The following GAB2 variants were observed in gnomAD, a reference collection of about 807,000 sequenced individuals.
GAB2 encodes GRB2-associated-binding protein 2.
In GAB2, 26 loss-of-function variants were observed where a neutral mutation model predicts 65.5. That is an observed-to-expected ratio of 0.40 (90% CI 0.29 to 0.55). GAB2 has a LOEUF of 0.55. GAB2 is among the 20% of genes least tolerant of loss of function. The pLI is 0.53. For missense variants in GAB2, 884 were observed against 875.8 expected, an observed-to-expected ratio of 1.01 and a Z score of -0.12; for synonymous variants, 321 against 329.6, an observed-to-expected ratio of 0.97 and a Z score of 0.28.
rs1855654411 is a variant in GAB2 at position 78,318,369 on chromosome 11, C to CAAGAAAAAAAAAAAAAAAAAAAAAAAAA, written c.76-37469_76-37468insTTTTTTTTTTTTTTTTTTTTTTTTTCTT. ...ATTTTGGGATCTGATTGTTAAATGC[C>CAAGAAAAAAAAAAAAAAAAAAAAAAAAA]AAAAAAAAAAAAAAAAAGCTGTGAA... On this transcript the variant is annotated intron_variant, in intron 1 of 9. Transcript: ENST00000361507. The CAAGAAAAAAAAAAAAAAAAAAAAAAAAA allele has an allele frequency of 4.2e-5, 2 of 47,674 alleles. 1 individual carries two copies. Among genetic ancestry groups the CAAGAAAAAAAAAAAAAAAAAAAAAAAAA allele is most frequent in the Non-Finnish European group, 8.1e-5 (2 of 24,748 alleles). The allele number at this position is 47,674 out of a possible 1,614,324, so 3.0% of individuals were successfully genotyped here.
At chr11:78,232,761 T>C (rs1202369033) in intron 3 of GAB2, among the ~76,000 whole-genome samples, 3 of 152,186 alleles carry the variant, frequency 2.0e-5, no homozygotes, top group Non-Finnish European at 4.4e-5. Flanking sequence ...AAGAGATAGA[T>C]AGAAGGCTGG....
chr11:78,264,973 A>G (rs1590979344), intron 2 of GAB2, among the ~76,000 whole-genome samples: 2 of 152,188 alleles, frequency 1.3e-5, no homozygotes, highest in East Asian at 3.8e-4. Flanking sequence ...CAGACATTTA[A>G]TATGTACTTA....
At chr11:78,372,888 C>A (rs146367399) in intron 1 of GAB2, among the ~76,000 whole-genome samples, 2 of 152,198 alleles carry the variant, frequency 1.3e-5, no homozygotes, top group Non-Finnish European at 2.9e-5. Flanking sequence ...CTTAAAAATT[C>A]TTTATTAAGA....
intron 1 of GAB2, among the ~76,000 whole-genome samples, chr11:78,302,226 A>G (rs919492166): frequency 1.3e-5 from 2 of 152,232 alleles, no homozygotes; most frequent in African/African-American, 4.8e-5. Context: ...TTGCATGGCA[A>G]AAGGAACAGT....
chr11:78,257,537 C>T (rs1218000814), intron 2 of GAB2, among the ~76,000 whole-genome samples: 4 of 152,196 alleles, frequency 2.6e-5, no homozygotes, highest in African/African-American at 9.7e-5. Flanking sequence ...TTATATCATG[C>T]ATTTAGCCAC....
chr11:78,367,155 T>C (rs1419251843), intron 1 of GAB2, among the ~76,000 whole-genome samples: 2 of 152,202 alleles, frequency 1.3e-5, no homozygotes, highest in Non-Finnish European at 2.9e-5. Context: ...ACTTCTGTTT[T>C]CTTTTCCCCC....
chr11:78,288,578 C>T (rs941926710), intron 1 of GAB2, among the ~76,000 whole-genome samples: 5 of 152,096 alleles, frequency 3.3e-5, no homozygotes, highest in Middle Eastern at 3.4e-3. Context: ...AAATACAATG[C>T]CATTTATAAT....
intron 1 of GAB2, among the ~76,000 whole-genome samples, chr11:78,400,877 C>T (rs1280928130): frequency 1.6e-5 from 2 of 124,626 alleles, no homozygotes; most frequent in East Asian, 4.4e-4. Flanking sequence ...GCACTCCAGC[C>T]TGAGTGACAG....
At chr11:78,221,824 G>C (rs2134455649) in intron 7 of GAB2, 45 bp from the exon 8 acceptor site, 2 of 1,379,418 alleles carry the variant, frequency 1.4e-6, no homozygotes, top group Non-Finnish European at 1.0e-6. Context: ...CTGCATGGCT[G>C]CTGCCATGTT....
chr11:78,375,837 T>C (rs1856625247), intron 1 of GAB2, among the ~76,000 whole-genome samples: 2 of 152,190 alleles, frequency 1.3e-5, no homozygotes, highest in African/African-American at 2.4e-5. Context: ...GGAAACTATA[T>C]TCCATTTCAT....
intron 2 of GAB2, among the ~76,000 whole-genome samples, chr11:78,269,577 C>T (rs2134562683): frequency 6.6e-6 from 1 of 152,304 alleles, no homozygotes; most frequent in Admixed American, 6.5e-5. Flanking sequence ...TATTTGAAGA[C>T]CCCACTAACA....
At chr11:78,260,194 C>T (rs1865692543) in intron 2 of GAB2, among the ~76,000 whole-genome samples, 1 of 152,224 alleles carries the variant, frequency 6.6e-6, no homozygotes, top group Non-Finnish European at 1.5e-5. Flanking sequence ...TATGATTCCC[C>T]ATCCCCCTTC....
At chr11:78,296,946 A>C (rs1380168081) in intron 1 of GAB2, among the ~76,000 whole-genome samples, 1 of 152,216 alleles carries the variant, frequency 6.6e-6, no homozygotes, top group African/African-American at 2.4e-5. Flanking sequence ...TTGTAAGGGC[A>C]AAAATCCCCT....
intron 1 of GAB2, among the ~76,000 whole-genome samples, chr11:78,345,031 CAGGA>C (rs1856157291): frequency 1.3e-5 from 2 of 152,116 alleles, no homozygotes; most frequent in African/African-American, 4.8e-5. Context: ...AATCCTGGCA[CAGGA>C]GGGAGGGAGG....
At chr11:78,321,268 C>T (rs959770462) in intron 1 of GAB2, among the ~76,000 whole-genome samples, 7 of 152,122 alleles carry the variant, frequency 4.6e-5, no homozygotes, top group African/African-American at 7.2e-5. Flanking sequence ...CAGATGTTTC[C>T]GACATCACTC....
intron 1 of GAB2, among the ~76,000 whole-genome samples, chr11:78,345,446 A>G (rs1856165328): frequency 6.6e-6 from 1 of 152,198 alleles, no homozygotes; most frequent in African/African-American, 2.4e-5. Flanking sequence ...TGGTAAAAGG[A>G]AGTCAGGTGT....
At chr11:78,243,724 G>C (rs1020687487) in intron 3 of GAB2, among the ~76,000 whole-genome samples, 29 of 151,822 alleles carry the variant, frequency 1.9e-4, no homozygotes, top group African/African-American at 6.5e-4. Flanking sequence ...CGTGCCTGTA[G>C]TCCCAGCTAC....
chr11:78,379,762 GAACA>G (rs1856674815), intron 1 of GAB2, among the ~76,000 whole-genome samples: 1 of 152,160 alleles, frequency 6.6e-6, no homozygotes, highest in African/African-American at 2.4e-5. Context: ...ATACAACCCT[GAACA>G]AATAAATCAA....
At chr11:78,285,410 G>C (rs888262380) in intron 1 of GAB2, among the ~76,000 whole-genome samples, 1 of 152,206 alleles carries the variant, frequency 6.6e-6, no homozygotes, top group Non-Finnish European at 1.5e-5. Flanking sequence ...AGTCAGCAAG[G>C]CTGTCTAGTC....
Sources: allele counts gnomAD v4.1 joint callset (sites outside exome capture counted in the v4.1 genomes callset), GRCh38; gene constraint gnomAD v4.1.1; transcripts MANE v1.5; gene names NCBI Gene and HGNC (gene_info 2026-07-23, HGNC 2026-07-21).